Variants in SDK1 observed in about 807,000 individuals in gnomAD.
SDK1 encodes protein sidekick-1.
In SDK1, 157 loss-of-function variants were observed where a neutral mutation model predicts 245.5. The observed-to-expected ratio is 0.64, with a 90% CI of 0.56 to 0.73. The LOEUF is 0.73. Among genes scored for constraint, SDK1 ranks in the 30% least tolerant of loss-of-function variants. The pLI, the probability that SDK1 is intolerant of heterozygous loss-of-function variation, is 0.00. For missense variants in SDK1, 3,583 were observed against 3,002.3 expected, an observed-to-expected ratio of 1.19 and a Z score of -4.52; for synonymous variants, 1,647 against 1,278.5, an observed-to-expected ratio of 1.29 and a Z score of -6.15.
intron 29 of SDK1, among the ~76,000 whole-genome samples, chr7:4,146,505 C>T (rs1373912037): frequency 6.6e-6 from 1 of 152,248 alleles, no homozygotes; most frequent in African/African-American, 2.4e-5. Flanking sequence ...ATTGCATTCA[C>T]ACCTTCAGCC....
At chr7:3,481,635 C>T (rs956953168) in intron 1 of SDK1, among the ~76,000 whole-genome samples, 5 of 152,206 alleles carry the variant, frequency 3.3e-5, no homozygotes, top group Non-Finnish European at 7.3e-5. Context: ...ACAGGGTTAC[C>T]TCAGGGCTCA....
chr7:3,500,675 G>A (rs749589763), intron 1 of SDK1, among the ~76,000 whole-genome samples: 131 of 152,094 alleles, frequency 8.6e-4, no homozygotes, highest in Non-Finnish European at 1.5e-3. Flanking sequence ...TTTAAACTTG[G>A]AAACAAATTT....
rs1464308989 is a variant in SDK1, at chr7:3,347,242, GCAATTTTGTAGTACTCTGACAACA to G, written c.298+45360_298+45383del. ...CCAGATTTTTTTTTATATTCTTTTA[GCAATTTTGTAGTACTCTGACAACA>G]CTTGGCACATATCTTCTTATACTCT... On this transcript the variant is annotated intron_variant, in intron 1 of 44. Coordinates refer to ENST00000404826, the MANE Select transcript of SDK1 (RefSeq NM_152744.4). 4.6e-5 allele frequency among the ~76,000 whole-genome samples: 7 copies of G among 151,816 alleles called. No homozygotes were observed. The South Asian group carries it at 6.3e-4, about 14-fold the overall frequency.
chr7:4,225,541 T>A (rs1353545916), intron 40 of SDK1, among the ~76,000 whole-genome samples: 1 of 152,182 alleles, frequency 6.6e-6, no homozygotes, highest in Non-Finnish European at 1.5e-5. Context: ...GAGAGAGCCC[T>A]TGACTTTCTC....
intron 2 of SDK1, among the ~76,000 whole-genome samples, chr7:3,633,512 A>G (rs1026443365): frequency 6.6e-6 from 1 of 152,160 alleles, no homozygotes; most frequent in Non-Finnish European, 1.5e-5. Flanking sequence ...AGAACTTCTT[A>G]TAACAGGTAA....
intron 1 of SDK1, among the ~76,000 whole-genome samples, chr7:3,454,773 G>T (rs775361874): frequency 6.8e-4 from 104 of 152,286 alleles, no homozygotes; most frequent in Non-Finnish European, 1.2e-3. Context: ...GTTACTTTCA[G>T]TTGTTGAGCT....
At chr7:3,881,244 C>T (rs1051959229) in intron 5 of SDK1, among the ~76,000 whole-genome samples, 1 of 152,138 alleles carries the variant, frequency 6.6e-6, no homozygotes, top group Non-Finnish European at 1.5e-5. Flanking sequence ...CTTCCTGATG[C>T]TCTCCCTCCC....
At chr7:3,847,886 GATACACTATT>G (rs1403386436) in intron 5 of SDK1, among the ~76,000 whole-genome samples, 1 of 152,202 alleles carries the variant, frequency 6.6e-6, no homozygotes, top group African/African-American at 2.4e-5. Context: ...AGGTGGTGCT[GATACACTATT>G]GCACTCCGCT....
intron 13 of SDK1, among the ~76,000 whole-genome samples, chr7:3,983,226 C>T (rs985457340): frequency 6.6e-5 from 10 of 152,290 alleles, no homozygotes; most frequent in African/African-American, 2.2e-4. Context: ...GGAGGATTGA[C>T]TCCAATTTTG....
At chr7:3,355,205 C>G (rs1020139377) in intron 1 of SDK1, among the ~76,000 whole-genome samples, 2 of 152,172 alleles carry the variant, frequency 1.3e-5, no homozygotes, top group Non-Finnish European at 2.9e-5. Flanking sequence ...TTCTCTGAAA[C>G]TAGACCTAAA....
At chr7:3,422,458 G>C (rs1779558659) in intron 1 of SDK1, among the ~76,000 whole-genome samples, 1 of 152,138 alleles carries the variant, frequency 6.6e-6, no homozygotes. Context: ...AAATACTATA[G>C]AATATAACCA....
chr7:3,830,062 G>A (rs1204773715), intron 5 of SDK1, among the ~76,000 whole-genome samples: 2 of 152,186 alleles, frequency 1.3e-5, no homozygotes, highest in Non-Finnish European at 2.9e-5. Context: ...GACATGATCT[G>A]TCCCAGTGGA....
At chr7:3,710,785 G>C (rs1434780062) in intron 4 of SDK1, among the ~76,000 whole-genome samples, 1 of 152,194 alleles carries the variant, frequency 6.6e-6, no homozygotes, top group African/African-American at 2.4e-5. Context: ...GTATGTCTTG[G>C]AAAATTCCTT....
At chr7:3,540,044 C>T (rs942985353) in intron 1 of SDK1, among the ~76,000 whole-genome samples, 1 of 152,080 alleles carries the variant, frequency 6.6e-6, no homozygotes, top group African/African-American at 2.4e-5. Context: ...TATTTTGAGT[C>T]ACAAAAAAAA....
At chr7:3,525,372 G>C (rs1001841017) in intron 1 of SDK1, among the ~76,000 whole-genome samples, 1 of 151,994 alleles carries the variant, frequency 6.6e-6, no homozygotes, top group African/African-American at 2.4e-5. Flanking sequence ...TTGCACCTAC[G>C]GAAAATCCTC....
At chr7:3,904,992 C>T (rs1290299496) in intron 5 of SDK1, among the ~76,000 whole-genome samples, 1 of 120,348 alleles carries the variant, frequency 8.3e-6, no homozygotes, top group Admixed American at 8.0e-5. Context: ...GACTCCGTCT[C>T]AAAAAAAAAA....
intron 5 of SDK1, among the ~76,000 whole-genome samples, chr7:3,857,686 C>A (rs116437505): frequency 2.5e-4 from 34 of 138,608 alleles, no homozygotes; most frequent in African/African-American, 3.3e-4. Flanking sequence ...GACCCTGTCT[C>A]AAAAAAAAAA....
chr7:3,408,214 T>C (rs1431068049), intron 1 of SDK1, among the ~76,000 whole-genome samples: 2 of 152,148 alleles, frequency 1.3e-5, no homozygotes, highest in South Asian at 2.1e-4. Flanking sequence ...ATTTTTTTTT[T>C]CATAATTTTA....
intron 22 of SDK1, among the ~76,000 whole-genome samples, chr7:4,104,190 G>C (rs900521126): frequency 9.2e-5 from 14 of 152,196 alleles, no homozygotes; most frequent in Non-Finnish European, 1.9e-4. Context: ...CTCCAGAGTA[G>C]CTGGGACTAC....
Sources: allele counts gnomAD v4.1 joint callset (sites outside exome capture counted in the v4.1 genomes callset), GRCh38; gene constraint gnomAD v4.1.1; transcripts MANE v1.5; gene names NCBI Gene and HGNC (gene_info 2026-07-23, HGNC 2026-07-21).